PTTG1IP2: variants seen among roughly 807,000 people sequenced by gnomAD.
The protein encoded by PTTG1IP2 is PTTG1IP family member 2.
chr7:90,494,200 T>G (rs1477940452), intron 5 of PTTG1IP2, 167 bp from the exon 6 acceptor site: 2 of 151,938 alleles, frequency 1.3e-5, no homozygotes, highest in African/African-American at 4.8e-5. Flanking sequence ...GATAGTACCT[T>G]AAGTCACTTG....
intron 1 of PTTG1IP2, among the ~76,000 whole-genome samples, chr7:90,476,534 T>A (rs1797748956): frequency 6.6e-6 from 1 of 152,070 alleles, no homozygotes; most frequent in African/African-American, 2.4e-5. Context: ...AGAAATAGAA[T>A]GTGTATTTTG....
At chr7:90,506,766 C>T (rs1798128769) in intron 6 of PTTG1IP2, among the ~76,000 whole-genome samples, 2 of 151,918 alleles carry the variant, frequency 1.3e-5, no homozygotes, top group African/African-American at 4.8e-5. Context: ...GACCCTGTCT[C>T]AAAAAAAGTT....
intron 6 of PTTG1IP2, among the ~76,000 whole-genome samples, chr7:90,512,448 GT>G (rs567208707): frequency 7.2e-5 from 11 of 152,212 alleles, no homozygotes; most frequent in Non-Finnish European, 1.3e-4. Flanking sequence ...TAGAAGACAA[GT>G]GGGAGAAGGG....
chr7:90,483,752 A>AT (rs1362137851), intron 2 of PTTG1IP2, among the ~76,000 whole-genome samples: 1 of 152,188 alleles, frequency 6.6e-6, no homozygotes, highest in African/African-American at 2.4e-5. Context: ...TCTTGGCTTT[A>AT]TACAGGCCCT....
intron 6 of PTTG1IP2, among the ~76,000 whole-genome samples, chr7:90,511,964 G>A (rs894811183): frequency 6.6e-6 from 1 of 152,146 alleles, no homozygotes. Flanking sequence ...ATGATACTTT[G>A]CACATAATAA....
intron 6 of PTTG1IP2, among the ~76,000 whole-genome samples, chr7:90,506,875 A>G (rs1798130018): frequency 6.6e-6 from 1 of 151,720 alleles, no homozygotes; most frequent in Non-Finnish European, 1.5e-5. Context: ...TTCAAGATTC[A>G]TTTTGGTATT....
intron 6 of PTTG1IP2, among the ~76,000 whole-genome samples, chr7:90,507,371 T>C (rs866101383): frequency 2.6e-5 from 4 of 152,200 alleles, no homozygotes; most frequent in Non-Finnish European, 5.9e-5. Flanking sequence ...CTTCTGTAGT[T>C]AGGCTCAAAG....
At chr7:90,474,104 A>G (rs1164117388) in intron 1 of PTTG1IP2, among the ~76,000 whole-genome samples, 2 of 152,242 alleles carry the variant, frequency 1.3e-5, no homozygotes, top group Non-Finnish European at 2.9e-5. Flanking sequence ...AGTATAGCCT[A>G]TTATACACCT....
At chr7:90,471,858 T>G (rs758674129) in intron 1 of PTTG1IP2, among the ~76,000 whole-genome samples, 1 of 152,176 alleles carries the variant, frequency 6.6e-6, no homozygotes, top group Non-Finnish European at 1.5e-5. Flanking sequence ...GAAACTCAGG[T>G]TCCTGCGTTA....
rs770705412 is a variant in PTTG1IP2 at position 90,510,827 on chromosome 7, A to G, written c.*51-2451A>G. 1.2e-4 allele frequency among the ~76,000 whole-genome samples: 18 copies of G among 152,308 alleles called. No individual in the cohort carries two copies. In the Middle Eastern group the frequency reaches 0.01, roughly 86 times the overall value. ...TGTTCTATGTAAATAACTGTGTTGC[A>G]GCTTTTGTTTTATGAGTACTCATTA... On this transcript the variant is annotated intron_variant, in intron 6 of 6. Coordinates refer to ENST00000509356, the MANE Select transcript of PTTG1IP2 (RefSeq NM_001365443.2).
intron 1 of PTTG1IP2, among the ~76,000 whole-genome samples, chr7:90,470,963 C>CAAAGAAAAAA (rs1797677735): frequency 9.2e-6 from 1 of 108,112 alleles, no homozygotes; most frequent in Non-Finnish European, 2.0e-5. Flanking sequence ...TGATGAAGAA[C>CAAAGAAAAAA]AAAAAAAAAA....
chr7:90,480,838 A>G (rs1456039965), intron 2 of PTTG1IP2, among the ~76,000 whole-genome samples: 2 of 152,170 alleles, frequency 1.3e-5, no homozygotes, highest in Non-Finnish European at 2.9e-5. Flanking sequence ...TGGAGAAACT[A>G]GATTGTCCTA....
At chr7:90,510,130 A>C (rs1798169567) in intron 6 of PTTG1IP2, among the ~76,000 whole-genome samples, 1 of 152,170 alleles carries the variant, frequency 6.6e-6, no homozygotes, top group Non-Finnish European at 1.5e-5. Context: ...GGGAAAGAGC[A>C]CTGGGATCTG....
chr7:90,477,644 A>T (rs1234716438), intron 1 of PTTG1IP2, among the ~76,000 whole-genome samples: 2 of 152,228 alleles, frequency 1.3e-5, no homozygotes, highest in African/African-American at 4.8e-5. Flanking sequence ...CAGAGGAGAC[A>T]TGATGACTAA....
intron 6 of PTTG1IP2, among the ~76,000 whole-genome samples, chr7:90,495,032 C>T (rs1165084951): frequency 1.3e-5 from 2 of 152,106 alleles, no homozygotes; most frequent in African/African-American, 4.8e-5. Flanking sequence ...TGCCCAACCC[C>T]TACCATTAAA....
rs534285946 is a variant in PTTG1IP2, at chr7:90,477,880, G to A, written c.146-1348G>A. Among the ~76,000 whole-genome samples the A allele has an allele frequency of 1.7e-3, 262 of 152,040 alleles. 2 individuals carry two copies. Among genetic ancestry groups the A allele is most frequent in the African/African-American group, 6.0e-3 (248 of 41,506 alleles). On this transcript the variant is annotated intron_variant, in intron 1 of 6. Coordinates refer to ENST00000509356, the MANE Select transcript of PTTG1IP2 (RefSeq NM_001365443.2). ...TGGGAGGCTGAGGCGGGCGGATCAC[G>A]AGGTCAGGAGATCGAGACCATCCTG...
chr7:90,493,738 AG>A (rs1797963833), intron 5 of PTTG1IP2, among the ~76,000 whole-genome samples: 2 of 152,196 alleles, frequency 1.3e-5, no homozygotes. Flanking sequence ...GAAATTGAGA[AG>A]AAGATGAAAA....
chr7:90,473,224 G>C (rs142715518), intron 1 of PTTG1IP2, among the ~76,000 whole-genome samples: 6 of 152,316 alleles, frequency 3.9e-5, no homozygotes, highest in African/African-American at 1.4e-4. Flanking sequence ...TATAGTGGGT[G>C]GGGTACAGAC....
At chr7:90,489,232 A>G (rs879300512) in intron 4 of PTTG1IP2, among the ~76,000 whole-genome samples, 1 of 151,336 alleles carries the variant, frequency 6.6e-6, no homozygotes, top group African/African-American at 2.4e-5. Context: ...TTCTGTAGTT[A>G]CCTCCATATA....
Sources: gnomAD v4.1 joint callset for allele counts (sites outside exome capture counted in the v4.1 genomes callset) on GRCh38, gnomAD v4.1.1 for gene constraint, MANE v1.5 for transcripts, NCBI Gene and HGNC (gene_info 2026-07-23, HGNC 2026-07-21) for gene names.